ANO10: variants seen among roughly 807,000 people sequenced by gnomAD.
ANO10 encodes anoctamin-10.
In ANO10, 77 loss-of-function variants were observed where a neutral mutation model predicts 74.7. The observed-to-expected ratio is 1.03, with a 90% CI of 0.86 to 1.25. The LOEUF (loss-of-function observed/expected upper bound fraction) is 1.25. ANO10 is among the 50% of genes most tolerant of loss of function. The pLI, the probability that ANO10 is intolerant of heterozygous loss-of-function variation, is 0.00. For missense variants in ANO10, 721 were observed against 778.1 expected (o/e 0.93, Z 0.87); for synonymous variants, 279 against 284.9 (o/e 0.98, Z 0.21).
Position 43,366,617 on chromosome 3 carries a change from G to T in ANO10, c.*289C>A. Reference sequence around the variant, plus strand: ...GGCTCACTCATGGTGAGAGGCTCAAGGGCGGCAGTGGCTCTGCAGCAAAGT... The same window carrying T: ...GGCTCACTCATGGTGAGAGGCTCAATGGCGGCAGTGGCTCTGCAGCAAAGT... On this transcript the variant is annotated 3_prime_UTR_variant, in exon 13 of 13. Coordinates refer to ENST00000292246, the MANE Select transcript of ANO10 (RefSeq NM_018075.5). The T allele has an allele frequency of 2.0e-6, 1 of 507,634 alleles. No individual in the cohort carries two copies. Among genetic ancestry groups the T allele is most frequent in the Non-Finnish European group, 3.6e-6 (1 of 278,546 alleles). The allele number at this position is 507,634 out of a possible 1,614,324, so 31.4% of individuals were successfully genotyped here.
At chr3:43,564,304 G>A (rs906326908) in intron 8 of ANO10, among the ~76,000 whole-genome samples, 1 of 151,782 alleles carries the variant, frequency 6.6e-6, no homozygotes, top group Non-Finnish European at 1.5e-5. Context: ...AAAGTGCTGG[G>A]ATTACAGGTA....
intron 7 of ANO10, among the ~76,000 whole-genome samples, chr3:43,566,335 C>T (rs1256317128): frequency 6.6e-6 from 1 of 152,258 alleles, no homozygotes; most frequent in African/African-American, 2.4e-5. Context: ...GAGCCCACCA[C>T]AGCTGAAGGA....
At chr3:43,572,570 T>C (rs1007678259) in intron 7 of ANO10, among the ~76,000 whole-genome samples, 1 of 152,068 alleles carries the variant, frequency 6.6e-6, no homozygotes, top group African/African-American at 2.4e-5. Context: ...AAGCATGAAC[T>C]CCCCTGCCCT....
chr3:43,554,224 C>T (rs958129569), intron 10 of ANO10, among the ~76,000 whole-genome samples: 9 of 141,184 alleles, frequency 6.4e-5, no homozygotes, highest in African/African-American at 1.6e-4. Flanking sequence ...GATGGAGTGT[C>T]GCTCTGTCAC....
intron 11 of ANO10, among the ~76,000 whole-genome samples, chr3:43,451,502 T>C (rs892339729): frequency 1.6e-4 from 24 of 152,110 alleles, no homozygotes; most frequent in Non-Finnish European, 4.4e-5. Context: ...CACACTAGTC[T>C]CCATCTCAGA....
chr3:43,450,339 G>C (rs192341774), intron 11 of ANO10, among the ~76,000 whole-genome samples: 1 of 152,220 alleles, frequency 6.6e-6, no homozygotes, highest in East Asian at 1.9e-4. Flanking sequence ...TCAGGAGTTT[G>C]AGACCAGCCT....
chr3:43,652,355 A>G (rs1261910028), intron 1 of ANO10, among the ~76,000 whole-genome samples: 1 of 152,238 alleles, frequency 6.6e-6, no homozygotes, highest in Non-Finnish European at 1.5e-5. Flanking sequence ...AAATCCTTAC[A>G]TTAATGGTCA....
intron 11 of ANO10, among the ~76,000 whole-genome samples, chr3:43,445,475 A>C (rs2093231381): frequency 6.6e-6 from 1 of 152,196 alleles, no homozygotes; most frequent in Admixed American, 6.6e-5. Context: ...TATTTTAAAA[A>C]GACTTTTACT....
At chr3:43,448,289 T>C (rs1386441535) in intron 11 of ANO10, among the ~76,000 whole-genome samples, 1 of 152,096 alleles carries the variant, frequency 6.6e-6, no homozygotes, top group Admixed American at 6.6e-5. Flanking sequence ...TACATGATAG[T>C]TTTACTGCCC....
intron 1 of ANO10, among the ~76,000 whole-genome samples, chr3:43,675,316 T>TCA (rs1190662201): frequency 6.6e-6 from 1 of 152,136 alleles, no homozygotes; most frequent in Non-Finnish European, 1.5e-5. Flanking sequence ...CCTCAAGACC[T>TCA]CAAGCTAGGC....
chr3:43,468,694 GGTTTTCTTTTTTTT>G (rs1465933026), intron 11 of ANO10, among the ~76,000 whole-genome samples: 4 of 146,174 alleles, frequency 2.7e-5, no homozygotes, highest in African/African-American at 5.3e-5. Flanking sequence ...CATCTCAGTG[GGTTTTCTTTTTTTT>G]GTTTTCTTTT....
At chr3:43,519,365 CACT>C in intron 11 of ANO10, among the ~76,000 whole-genome samples, 1 of 152,256 alleles carries the variant, frequency 6.6e-6, no homozygotes, top group East Asian at 1.9e-4. Context: ...CGCTGGAGCA[CACT>C]ACTTCTTTTT....
chr3:43,432,960 T>C (rs1225008809), intron 11 of ANO10, among the ~76,000 whole-genome samples: 2 of 135,128 alleles, frequency 1.5e-5, no homozygotes, highest in Non-Finnish European at 3.2e-5. Flanking sequence ...TTTTTTTTTT[T>C]TTTTTTTTTT....
At chr3:43,392,124 T>C (rs753831795) in intron 12 of ANO10, among the ~76,000 whole-genome samples, 17 of 152,270 alleles carry the variant, frequency 1.1e-4, no homozygotes, top group Middle Eastern at 3.4e-3. Context: ...GTCTCCTGAT[T>C]ATTTAACTTC....
At chr3:43,491,878 A>G (rs2076737187) in intron 11 of ANO10, among the ~76,000 whole-genome samples, 1 of 152,204 alleles carries the variant, frequency 6.6e-6, no homozygotes, top group African/African-American at 2.4e-5. Context: ...ATAATTTATT[A>G]CGTTTTTAAG....
chr3:43,661,709 C>T (rs767206782), intron 1 of ANO10, among the ~76,000 whole-genome samples: 1 of 151,876 alleles, frequency 6.6e-6, no homozygotes. Flanking sequence ...GGATGGGGGA[C>T]GATCTACCAA....
intron 1 of ANO10, among the ~76,000 whole-genome samples, chr3:43,617,047 G>T (rs182158692): frequency 2.0e-5 from 3 of 151,262 alleles, no homozygotes; most frequent in Admixed American, 2.0e-4. Context: ...AATATCAAGT[G>T]TAAGGTGTAA....
At chr3:43,685,384 T>C (rs2084262032) in intron 1 of ANO10, among the ~76,000 whole-genome samples, 1 of 152,218 alleles carries the variant, frequency 6.6e-6, no homozygotes. Context: ...ATCTACCTCA[T>C]TTTTCTTAAT....
At chr3:43,421,146 C>T (rs2092814186) in intron 12 of ANO10, among the ~76,000 whole-genome samples, 1 of 151,998 alleles carries the variant, frequency 6.6e-6, no homozygotes, top group Admixed American at 6.6e-5. Context: ...TTGCTTGAAC[C>T]CAGGAGGTGG....
Sources: allele counts gnomAD v4.1 joint callset (sites outside exome capture counted in the v4.1 genomes callset), GRCh38; gene constraint gnomAD v4.1.1; transcripts MANE v1.5; gene names NCBI Gene and HGNC (gene_info 2026-07-23, HGNC 2026-07-21).